CLVS1: variants seen among roughly 807,000 people sequenced by gnomAD.
CLVS1 encodes the protein clavesin 1, also known as clavesin-1.
In CLVS1, 10 loss-of-function variants were observed where a neutral mutation model predicts 33.1. That is an observed-to-expected ratio of 0.30 (90% CI 0.19 to 0.51). The LOEUF (loss-of-function observed/expected upper bound fraction) is 0.51, where lower values mean the gene tolerates loss of function less well. CLVS1 is among the 20% of genes least tolerant of loss of function. The pLI is 0.97. For missense variants in CLVS1, 343 were observed against 433.4 expected (o/e 0.79, Z 1.85); for synonymous variants, 163 against 166.1 (o/e 0.98, Z 0.14).
chr8:61,471,025 T>C (rs1817718286), intron 5 of CLVS1, among the ~76,000 whole-genome samples: 1 of 152,246 alleles, frequency 6.6e-6, no homozygotes, highest in Non-Finnish European at 1.5e-5. Flanking sequence ...GGGCTCCACG[T>C]ACACAGCCCA....
the CLVS1 span, among the ~76,000 whole-genome samples, chr8:60,991,910 C>A: frequency 6.6e-6 from 1 of 152,028 alleles, no homozygotes; most frequent in Non-Finnish European, 1.5e-5. Context: ...CTGCACCCAG[C>A]TAATTTTTGT....
chr8:61,015,708 C>T, the CLVS1 span, among the ~76,000 whole-genome samples: 1 of 152,186 alleles, frequency 6.6e-6, no homozygotes, highest in Non-Finnish European at 1.5e-5. Context: ...CCATTCCCCT[C>T]CCCTACCTTT....
chr8:60,989,241 C>T, the CLVS1 span, among the ~76,000 whole-genome samples: 15 of 152,196 alleles, frequency 9.9e-5, no homozygotes, highest in South Asian at 1.7e-3. Context: ...AGTGCAATGG[C>T]GTGATCTCGG....
intron 2 of CLVS1, among the ~76,000 whole-genome samples, chr8:61,329,772 A>G (rs1811523754): frequency 6.6e-6 from 1 of 152,310 alleles, no homozygotes; most frequent in East Asian, 1.9e-4. Context: ...TACATTTTAA[A>G]TGTTCCTTTA....
intron 5 of CLVS1, among the ~76,000 whole-genome samples, chr8:61,483,476 G>T (rs901276848): frequency 2.0e-5 from 3 of 152,148 alleles, no homozygotes; most frequent in Non-Finnish European, 4.4e-5. Flanking sequence ...AAAAAGTCCA[G>T]GACCAGACGG....
At chr8:61,242,496 T>C (rs1808716532) in intron 2 of CLVS1, among the ~76,000 whole-genome samples, 1 of 152,158 alleles carries the variant, frequency 6.6e-6, no homozygotes. Context: ...ATGTTTAAAA[T>C]ATATTTTCTA....
chr8:61,208,453 A>G (rs1227396214), intron 2 of CLVS1, among the ~76,000 whole-genome samples: 3 of 152,262 alleles, frequency 2.0e-5, no homozygotes, highest in Non-Finnish European at 2.9e-5. Flanking sequence ...AAAAAATTGC[A>G]AAGCTGAGGT....
intron 4 of CLVS1, 80 bp from the exon 5 acceptor site, chr8:61,458,227 G>A: frequency 9.5e-7 from 1 of 1,057,890 alleles, no homozygotes; most frequent in Non-Finnish European, 1.4e-6. Context: ...ATTTGTCATG[G>A]CTAAATTGTG....
At chr8:61,036,411 A>G in the CLVS1 span, among the ~76,000 whole-genome samples, 3 of 152,150 alleles carry the variant, frequency 2.0e-5, no homozygotes, top group Non-Finnish European at 4.4e-5. Flanking sequence ...CCTGGGAAAC[A>G]AGAGGTGACT....
the CLVS1 span, among the ~76,000 whole-genome samples, chr8:61,023,673 C>T: frequency 6.6e-6 from 1 of 152,174 alleles, no homozygotes; most frequent in East Asian, 1.9e-4. Flanking sequence ...TGAGTCGCAG[C>T]TCGGAGCGCC....
rs116228263 is a variant in CLVS1, at chr8:61,445,977, T to C, written c.631-8164T>C. Among the ~76,000 whole-genome samples the C allele has an allele frequency of 3.9e-3, 595 of 152,302 alleles. 2 individuals carry two copies. Among genetic ancestry groups the C allele is most frequent in the African/African-American group, 0.013 (540 of 41,576 alleles). ...TTTATAGTATTCCCGGCTTATCCTTTTGGTGTCTGCAGGGTCTATAGTAGT... is the reference window on the plus strand; with the variant it reads ...TTTATAGTATTCCCGGCTTATCCTTCTGGTGTCTGCAGGGTCTATAGTAGT... On this transcript the variant is annotated intron_variant, in intron 3 of 5. Coordinates refer to ENST00000325897, the MANE Select transcript of CLVS1 (RefSeq NM_173519.3).
chr8:61,343,077 A>G (rs2129598320), intron 2 of CLVS1, among the ~76,000 whole-genome samples: 1 of 152,332 alleles, frequency 6.6e-6, no homozygotes, highest in South Asian at 2.1e-4. Context: ...GTTCCACTCA[A>G]TTTAACAAAA....
At chr8:61,222,143 G>A (rs192566978) in intron 2 of CLVS1, among the ~76,000 whole-genome samples, 44 of 151,904 alleles carry the variant, frequency 2.9e-4, no homozygotes, top group East Asian at 1.2e-3. Flanking sequence ...CTCCTGGTTC[G>A]TTGATATTTT....
intron 2 of CLVS1, among the ~76,000 whole-genome samples, chr8:61,365,853 G>C (rs1813190521): frequency 6.6e-6 from 1 of 151,940 alleles, no homozygotes; most frequent in Non-Finnish European, 1.5e-5. Context: ...TGAGACATCT[G>C]GTGACCTACT....
chr8:61,210,562 A>T (rs377439310), intron 2 of CLVS1, among the ~76,000 whole-genome samples: 7 of 152,360 alleles, frequency 4.6e-5, no homozygotes, highest in African/African-American at 1.7e-4. Flanking sequence ...AATGTGGTTG[A>T]CAATTAGCAA....
the CLVS1 span, among the ~76,000 whole-genome samples, chr8:60,985,802 G>GAAAAAAA: frequency 9.3e-6 from 1 of 107,804 alleles, no homozygotes. Context: ...GGGCTGCTGT[G>GAAAAAAA]AAAAAAAAAA....
At chr8:61,206,620 G>A (rs1276191312) in intron 2 of CLVS1, among the ~76,000 whole-genome samples, 4 of 138,422 alleles carry the variant, frequency 2.9e-5, no homozygotes, top group South Asian at 2.2e-4. Context: ...ATGGAGTCTC[G>A]CTCTGTTGCC....
At chr8:61,384,630 T>C (rs544715465) in intron 3 of CLVS1, among the ~76,000 whole-genome samples, 9 of 152,234 alleles carry the variant, frequency 5.9e-5, no homozygotes, top group African/African-American at 2.2e-4. Context: ...GTATTGAGCA[T>C]TTTTTAGGGG....
rs181322610 is a variant in CLVS1, at chr8:61,250,636, C to T, written c.-151-49041C>T. 5.9e-5 allele frequency among the ~76,000 whole-genome samples: 9 copies of T among 152,154 alleles called. No individual in the cohort carries two copies. In the East Asian group the frequency reaches 1.7e-3, roughly 29 times the overall value. On this transcript the variant is annotated intron_variant, in intron 2 of 2. Transcript: ENST00000522621. The stretch of plus-strand genomic sequence containing the variant: ...TCTACTTGAAGAGGTCCTTCACATC[C>T]CTTGTAAGTTGTATTCCTAGGTATT...
Sources: gnomAD v4.1 joint callset for allele counts (sites outside exome capture counted in the v4.1 genomes callset) on GRCh38, gnomAD v4.1.1 for gene constraint, MANE v1.5 for transcripts, NCBI Gene and HGNC (gene_info 2026-07-23, HGNC 2026-07-21) for gene names.